KCNMB3: variants seen among roughly 807,000 people sequenced by gnomAD.
KCNMB3 encodes the protein calcium-activated potassium channel subunit beta-3.
Under a neutral mutation model 11.9 loss-of-function variants are expected in KCNMB3, and 18 were observed. That is an observed-to-expected ratio of 1.51 (90% CI 1.04 to 2.23). The LOEUF (loss-of-function observed/expected upper bound fraction) is 2.23, where lower values mean the gene tolerates loss of function less well. Among genes scored for constraint, KCNMB3 ranks in the 30% most tolerant of loss-of-function variants. The pLI, the probability that KCNMB3 is intolerant of heterozygous loss-of-function variation, is 0.00. For missense variants in KCNMB3, 247 were observed against 329.4 expected, an observed-to-expected ratio of 0.75 and a Z score of 1.94; for synonymous variants, 78 against 119.2, an observed-to-expected ratio of 0.65 and a Z score of 2.25.
At chr3:179,253,951 G>A (rs1451818531), upstream of KCNMB3, among the ~76,000 whole-genome samples, 1 of 152,110 alleles carries the variant, frequency 6.6e-6, no homozygotes, top group Non-Finnish European at 1.5e-5. Flanking sequence ...TAAAACTTCT[G>A]GCCAAAGCTT....
At chr3:179,254,779 C>T (rs1034570584), upstream of KCNMB3, among the ~76,000 whole-genome samples, 4 of 151,900 alleles carry the variant, frequency 2.6e-5, no homozygotes, top group East Asian at 1.9e-4. Flanking sequence ...TCCAGCCTAG[C>T]GACAGAGCAA....
intron 1 of KCNMB3, among the ~76,000 whole-genome samples, chr3:179,265,228 T>C (rs1726340148): frequency 6.6e-6 from 1 of 152,234 alleles, no homozygotes; most frequent in Non-Finnish European, 1.5e-5. Flanking sequence ...TGTCTGGTCC[T>C]TCTTCCCTGA....
chr3:179,258,009 G>A (rs895442548), intron 1 of KCNMB3, among the ~76,000 whole-genome samples: 19 of 151,972 alleles, frequency 1.3e-4, no homozygotes, highest in South Asian at 6.2e-4. Flanking sequence ...CTCAGCCTCC[G>A]GAGTGGCTGG....
intron 1 of KCNMB3, chr3:179,259,269 C>T (rs1317207831): frequency 2.0e-5 from 31 of 1,544,488 alleles, no homozygotes; most frequent in Non-Finnish European, 2.4e-5. Flanking sequence ...GGGTACGGTG[C>T]AGTGATCTGC....
At chr3:179,252,077 C>T (rs1293646420), upstream of KCNMB3, among the ~76,000 whole-genome samples, 5 of 152,196 alleles carry the variant, frequency 3.3e-5, no homozygotes, top group East Asian at 9.6e-4. Flanking sequence ...AAAATCATGA[C>T]ATTTCTCATA....
At chr3:179,263,288 G>A (rs772969197) in intron 1 of KCNMB3, among the ~76,000 whole-genome samples, 1 of 152,244 alleles carries the variant, frequency 6.6e-6, no homozygotes, top group Non-Finnish European at 1.5e-5. Flanking sequence ...CTTGTAGGCC[G>A]GTCGGCCACT....
intron 1 of KCNMB3, 103 bp from the exon 2 acceptor site, chr3:179,244,796 G>A (rs964915492): frequency 1.0e-6 from 1 of 959,286 alleles, no homozygotes; most frequent in Non-Finnish European, 1.6e-6. Flanking sequence ...AGGCATTTGT[G>A]TACAAGGCAT....
intron 1 of KCNMB3, among the ~76,000 whole-genome samples, chr3:179,264,993 C>A (rs2108460863): frequency 6.6e-6 from 1 of 152,278 alleles, no homozygotes; most frequent in Middle Eastern, 3.4e-3. Flanking sequence ...AGCAATAATT[C>A]AGTTGTGCAT....
At chr3:179,245,603 G>A (rs1482127218) in intron 1 of KCNMB3, among the ~76,000 whole-genome samples, 2 of 151,996 alleles carry the variant, frequency 1.3e-5, no homozygotes, top group African/African-American at 4.8e-5. Context: ...GGTTTCAAGC[G>A]ATTCGCCTGC....
chr3:179,266,818 C>T (rs1560163696), exon 1 of KCNMB3: 1 of 1,478,178 alleles, frequency 6.8e-7, no homozygotes, highest in Non-Finnish European at 9.0e-7. Flanking sequence ...CAGCGGGAGC[C>T]CCCAGCCCCC....
chr3:179,247,064 G>A (rs1725667178), intron 1 of KCNMB3, among the ~76,000 whole-genome samples: 1 of 152,064 alleles, frequency 6.6e-6, no homozygotes, highest in African/African-American at 2.4e-5. Context: ...AAAACTACTC[G>A]CTGAGATGGC....
chr3:179,248,962 T>G (rs1434793995), intron 1 of KCNMB3, among the ~76,000 whole-genome samples: 1 of 150,896 alleles, frequency 6.6e-6, no homozygotes, highest in Non-Finnish European at 1.5e-5. Context: ...CAATGAGCTG[T>G]GATCACACCA....
chr3:179,240,727 A>G (rs1217043721), downstream of KCNMB3: 1 of 152,160 alleles, frequency 6.6e-6, no homozygotes, highest in Non-Finnish European at 1.5e-5. Context: ...TAAATGGAAA[A>G]CTGTGGTAAT....
chr3:179,252,149 G>A (rs1293949979), upstream of KCNMB3, among the ~76,000 whole-genome samples: 3 of 152,058 alleles, frequency 2.0e-5, no homozygotes, highest in Admixed American at 6.6e-5. Context: ...GATGAACAGC[G>A]GGCCCAGCAG....
At chr3:179,251,317 TG>T, upstream of KCNMB3, 1 of 1,443,076 alleles carries the variant, frequency 6.9e-7, no homozygotes. Flanking sequence ...GAATTCCACA[TG>T]GAAAGAATGA....
At chr3:179,261,262 G>A in intron 1 of KCNMB3, 1 of 1,311,974 alleles carries the variant, frequency 7.6e-7, no homozygotes, top group South Asian at 1.8e-5. Context: ...GCGTGGCCGC[G>A]GGGCTGGTCA....
At position 179,249,235 on chromosome 3, in the gene KCNMB3, G is replaced by A. The variant is rs555407906; in HGVS notation, c.248+1508C>T. 3.3e-4 allele frequency among the ~76,000 whole-genome samples: 49 copies of A among 150,168 alleles called. No homozygotes were observed. In the South Asian group the frequency reaches 8.0e-3, roughly 24 times the overall value. ...TCAGCATGTTAGCCAGGATGGTCTC[G>A]ATCTCCTGACCTCGTGATCCACCCA... On this transcript the variant is annotated intron_variant, in intron 1 of 2. Coordinates refer to ENST00000392685, the MANE Select transcript of KCNMB3 (RefSeq NM_171830.2).
chr3:179,258,291 T>C (rs1344834721), intron 1 of KCNMB3, among the ~76,000 whole-genome samples: 1 of 152,250 alleles, frequency 6.6e-6, no homozygotes, highest in East Asian at 1.9e-4. Flanking sequence ...ATAAAATGAA[T>C]TTGATACATC....
rs374844966 is a variant in KCNMB3, at chr3:179,248,551, G to T, written c.248+2192C>A. Among the ~76,000 whole-genome samples the T allele has an allele frequency of 5.3e-5, 8 of 151,870 alleles. No individual in the cohort carries two copies. The East Asian group carries it at 1.6e-3, about 29-fold the overall frequency. On this transcript the variant is annotated intron_variant, in intron 1 of 2. Coordinates refer to ENST00000392685, the MANE Select transcript of KCNMB3 (RefSeq NM_171830.2). ...ACGACCAGCCTGGGCAACATAGGGG[G>T]ATCCCATCTCTACCAACAATTTAAA... is the stretch of plus-strand genomic sequence containing the variant.
Sources: gnomAD v4.1 joint callset for allele counts (sites outside exome capture counted in the v4.1 genomes callset) on GRCh38, gnomAD v4.1.1 for gene constraint, MANE v1.5 for transcripts, NCBI Gene and HGNC (gene_info 2026-07-23, HGNC 2026-07-21) for gene names.